Variants in HK1 observed in about 807,000 individuals in gnomAD.
The protein encoded by HK1 is hexokinase 1.
HK1 carries 28 observed loss-of-function variants against 91.6 expected under a neutral mutation model. That is an observed-to-expected ratio of 0.31 (90% CI 0.23 to 0.42). The LOEUF (loss-of-function observed/expected upper bound fraction) is 0.42. Ranked by LOEUF, HK1 falls within the 10% of genes least tolerant of loss-of-function variation. The probability of loss-of-function intolerance (pLI) is 1.00; values close to 1 mark genes in which losing one functional copy is unlikely to be tolerated. For synonymous variants in HK1, 430 were observed against 468.1 expected, an observed-to-expected ratio of 0.92 and a Z score of 1.05; for missense variants, 770 against 1,219.8, an observed-to-expected ratio of 0.63 and a Z score of 5.49.
At chr10:69,332,452 C>T (rs763215409) in intron 1 of HK1, among the ~76,000 whole-genome samples, 6 of 151,774 alleles carry the variant, frequency 4.0e-5, no homozygotes, top group Non-Finnish European at 7.4e-5. Context: ...AATCTTGACT[C>T]ACCGCAACCT....
intron 9 of HK1, among the ~76,000 whole-genome samples, chr10:69,381,494 A>G (rs1353813109): frequency 6.7e-6 from 1 of 149,982 alleles, no homozygotes; most frequent in Non-Finnish European, 1.5e-5. Context: ...TCACATTAGA[A>G]TTTTTTTAGA....
At chr10:69,315,459 G>T (rs545692116), upstream of HK1, among the ~76,000 whole-genome samples, 1 of 152,312 alleles carries the variant, frequency 6.6e-6, no homozygotes, top group African/African-American at 2.4e-5. Flanking sequence ...AGTAGAGAGA[G>T]TTCAGGGGAC....
At chr10:69,295,557 A>G (rs952540902) in intron 3 of HK1, 8 of 955,946 alleles carry the variant, frequency 8.4e-6, no homozygotes, top group South Asian at 2.6e-5. Flanking sequence ...TTGATTAGTT[A>G]TAAGCATCAA....
Position 69,300,192 on chromosome 10 carries a change from A to C in HK1, c.-66-577A>C, listed in dbSNP as rs59666944. 3.3e-5 allele frequency among the ~76,000 whole-genome samples: 5 copies of C among 151,798 alleles called. No individual in the cohort carries two copies. The South Asian group carries it at 1.0e-3, about 31-fold the overall frequency. On this transcript the variant is annotated intron_variant, in intron 4 of 21. Coordinates refer to the HK1 transcript ENST00000360289. ...TCATCACCCCCCAAAATCCCTTCAC[A>C]GTCTTTTCCAGTCAATACTTCCCAT...
intron 2 of HK1, among the ~76,000 whole-genome samples, chr10:69,358,648 G>A (rs895723138): frequency 6.7e-6 from 1 of 148,242 alleles, no homozygotes; most frequent in Middle Eastern, 3.4e-3. Context: ...GATCACCTGA[G>A]GTCAGGAGTT....
chr10:69,346,343 A>G (rs1209133656), intron 2 of HK1, among the ~76,000 whole-genome samples: 2 of 152,214 alleles, frequency 1.3e-5, no homozygotes, highest in Admixed American at 1.3e-4. Context: ...TCCAAGGCAA[A>G]GGAAGGAAAC....
In HK1 at chr10:69,389,220, T is replaced by G; in HGVS notation, c.1959T>G (p.Ala653=). Residue 653 remains alanine (A), a synonymous_variant, in exon 14 of 18, where the codon GCT becomes GCG. Transcript: ENST00000359426. ...AGGAATTTGACCTGGACGTGGTGGC[T>G]GTGGTCAACGACACAGTGGGCACCA... The part of the protein sequence containing the change: ...RREEFDLDVV[A]VVNDTVGTMM... 1 of 1,614,036 alleles carries G rather than the reference T, an allele frequency of 6.2e-7. No homozygotes were observed. Among genetic ancestry groups the G allele is most frequent in the Admixed American group, 1.7e-5 (1 of 60,018 alleles).
chr10:69,282,560 C>T (rs901554051), exon 2 of HK1: 1 of 152,156 alleles, frequency 6.6e-6, no homozygotes, highest in Non-Finnish European at 1.5e-5. Flanking sequence ...GAACTGTTCC[C>T]CAGAGCATTG....
intron 10 of HK1, among the ~76,000 whole-genome samples, chr10:69,383,047 A>G (rs1463989060): frequency 1.3e-5 from 2 of 152,182 alleles, no homozygotes; most frequent in Non-Finnish European, 2.9e-5. Context: ...TGCTCAGAAC[A>G]GTGCTCTTAG....
intron 5 of HK1, among the ~76,000 whole-genome samples, chr10:69,301,994 C>G (rs1451542674): frequency 2.0e-5 from 3 of 152,072 alleles, no homozygotes; most frequent in African/African-American, 7.2e-5. Flanking sequence ...ACTTGTAATC[C>G]TAGAACTTTG....
intron 4 of HK1, among the ~76,000 whole-genome samples, chr10:69,365,915 T>A (rs1055779570): frequency 6.6e-6 from 1 of 152,106 alleles, no homozygotes; most frequent in Non-Finnish European, 1.5e-5. Context: ...CACTGCAACC[T>A]CCACCTCCCA....
chr10:69,368,858 C>T (rs958136168), intron 5 of HK1, among the ~76,000 whole-genome samples: 1 of 152,168 alleles, frequency 6.6e-6, no homozygotes. Flanking sequence ...CAGGGGGTCA[C>T]CTCCTGACAG....
At chr10:69,279,012 C>T (rs988535234) in intron 1 of HK1, among the ~76,000 whole-genome samples, 3 of 152,166 alleles carry the variant, frequency 2.0e-5, no homozygotes, top group African/African-American at 7.2e-5. Context: ...TCTTCAAAGA[C>T]CATCTTTATG....
At chr10:69,398,242 G>C (rs1246369146) in intron 16 of HK1, among the ~76,000 whole-genome samples, 2 of 152,194 alleles carry the variant, frequency 1.3e-5, no homozygotes, top group Non-Finnish European at 2.9e-5. Flanking sequence ...ATAAGGCTGT[G>C]GGAAATTGCT....
At chr10:69,338,380 C>T (rs1589506435) in intron 1 of HK1, 2 of 1,198,882 alleles carry the variant, frequency 1.7e-6, no homozygotes, top group South Asian at 1.5e-5. Context: ...CCATTTCCAT[C>T]CCAGCCTGAC....
At chr10:69,290,282 T>C (rs559623158) in intron 3 of HK1, among the ~76,000 whole-genome samples, 1 of 152,304 alleles carries the variant, frequency 6.6e-6, no homozygotes, top group Admixed American at 6.5e-5. Context: ...GGCAAATTAA[T>C]TCCTGATTAG....
At chr10:69,351,175 A>G (rs1434753560) in intron 2 of HK1, among the ~76,000 whole-genome samples, 1 of 125,644 alleles carries the variant, frequency 8.0e-6, no homozygotes, top group Admixed American at 7.4e-5. Context: ...ACTCCGTCTC[A>G]AAATTAAATA....
intron 2 of HK1, among the ~76,000 whole-genome samples, chr10:69,355,825 G>A (rs535078558): frequency 6.6e-6 from 1 of 151,998 alleles, no homozygotes; most frequent in South Asian, 2.1e-4. Flanking sequence ...AAAAATAAAT[G>A]CATACATTAC....
chr10:69,386,177 T>C (rs1454075748), intron 12 of HK1, 146 bp from the exon 13 acceptor site: 2 of 701,414 alleles, frequency 2.9e-6, no homozygotes, highest in African/African-American at 3.5e-5. Context: ...ATTCATATTT[T>C]ATTGGTTTGT....
Sources: gnomAD v4.1 joint callset for allele counts (sites outside exome capture counted in the v4.1 genomes callset) on GRCh38, gnomAD v4.1.1 for gene constraint, MANE v1.5 for transcripts, NCBI Gene and HGNC (gene_info 2026-07-23, HGNC 2026-07-21) for gene names.